Variants in ZNF569 observed in about 807,000 individuals in gnomAD.
The protein encoded by ZNF569 is zinc finger protein 569, also known as DNA-binding protein.
A neutral mutation model predicts 56.3 loss-of-function variants in ZNF569; 38 were observed. That is an observed-to-expected ratio of 0.68 (90% CI 0.52 to 0.88). ZNF569 has a LOEUF of 0.88. Ranked by LOEUF, ZNF569 falls within the 40% of genes least tolerant of loss-of-function variation. The pLI is 0.00. For missense variants in ZNF569, 666 were observed against 809.2 expected (o/e 0.82, Z 2.15); for synonymous variants, 241 against 262.9 (o/e 0.92, Z 0.81).
At chr19:37,460,776 A>C (rs2041745754) in intron 2 of ZNF569, among the ~76,000 whole-genome samples, 1 of 152,008 alleles carries the variant, frequency 6.6e-6, no homozygotes, top group Admixed American at 6.6e-5. Context: ...AAAAAAAAAA[A>C]AAAGTCAAGG....
chr19:37,425,658 TCTCA>T (rs1224943150), intron 5 of ZNF569: 5 of 405,252 alleles, frequency 1.2e-5, no homozygotes, highest in Non-Finnish European at 1.8e-5. Context: ...AGAGATGAGG[TCTCA>T]CTATGTTGCC....
intron 5 of ZNF569, among the ~76,000 whole-genome samples, chr19:37,423,145 A>G (rs563988366): frequency 7.1e-4 from 108 of 152,340 alleles, no homozygotes; most frequent in African/African-American, 2.3e-3. Context: ...GAAGACTAGA[A>G]TTAAGTGGGT....
intron 3 of ZNF569, among the ~76,000 whole-genome samples, chr19:37,439,260 G>A (rs542420768): frequency 7.2e-5 from 11 of 152,228 alleles, no homozygotes; most frequent in Middle Eastern, 6.8e-3. Context: ...TAGTAGAGAC[G>A]GGGTTTCACC....
At chr19:37,426,463 A>T (rs2041135647) in intron 3 of ZNF569, 85 bp from the exon 4 acceptor site, 3 of 1,347,370 alleles carry the variant, frequency 2.2e-6, no homozygotes, top group Non-Finnish European at 2.0e-6. Context: ...TTCTGATATT[A>T]ATCAGAGGTT....
intron 5 of ZNF569, among the ~76,000 whole-genome samples, chr19:37,421,924 A>G (rs2041044798): frequency 9.2e-6 from 1 of 108,702 alleles, no homozygotes; most frequent in Admixed American, 8.9e-5. Flanking sequence ...TAATTTCTGT[A>G]TTTTTAGTAG....
intron 2 of ZNF569, among the ~76,000 whole-genome samples, chr19:37,456,207 T>A (rs771528914): frequency 1.3e-5 from 2 of 152,176 alleles, no homozygotes; most frequent in African/African-American, 4.8e-5. Flanking sequence ...TGGCCTTTCT[T>A]CTCTCTTATT....
At chr19:37,430,442 T>C (rs1242403041) in intron 3 of ZNF569, among the ~76,000 whole-genome samples, 1 of 151,252 alleles carries the variant, frequency 6.6e-6, no homozygotes, top group African/African-American at 2.4e-5. Flanking sequence ...ATGTTGAAAA[T>C]AAATATAAAG....
At chr19:37,427,751 GA>G in intron 3 of ZNF569, 4 of 506,966 alleles carry the variant, frequency 7.9e-6, no homozygotes, top group South Asian at 2.9e-5. Context: ...AGTGTCAGAG[GA>G]AAAAAACCCT....
chr19:37,428,811 A>T (rs1288517566), intron 3 of ZNF569, among the ~76,000 whole-genome samples: 2 of 151,928 alleles, frequency 1.3e-5, no homozygotes, highest in African/African-American at 4.8e-5. Flanking sequence ...AATAGCTAGA[A>T]CTACAGGCGT....
intron 3 of ZNF569, among the ~76,000 whole-genome samples, chr19:37,426,943 A>G (rs892215988): frequency 3.3e-5 from 5 of 152,258 alleles, no homozygotes; most frequent in African/African-American, 1.2e-4. Flanking sequence ...AGAGACAACC[A>G]TGAAAAAACA....
intron 5 of ZNF569, among the ~76,000 whole-genome samples, chr19:37,418,416 T>G (rs2146865981): frequency 6.6e-6 from 1 of 152,100 alleles, no homozygotes; most frequent in African/African-American, 2.4e-5. Flanking sequence ...ACAAATATGG[T>G]ATCATTTAAA....
chr19:37,454,873 T>C (rs1163671077), intron 2 of ZNF569: 7 of 702,670 alleles, frequency 1.0e-5, no homozygotes, highest in Middle Eastern at 2.3e-4. Context: ...CCCAGGTAAG[T>C]AAAGCTTGAG....
intron 5 of ZNF569, among the ~76,000 whole-genome samples, chr19:37,419,388 A>G (rs1402185374): frequency 6.6e-6 from 1 of 152,228 alleles, no homozygotes; most frequent in African/African-American, 2.4e-5. Flanking sequence ...CCACCACAAT[A>G]AAGCATGTCA....
chr19:37,461,747 C>A (rs1280127914), intron 2 of ZNF569, among the ~76,000 whole-genome samples: 1 of 152,156 alleles, frequency 6.6e-6, no homozygotes, highest in Admixed American at 6.5e-5. Context: ...ACTTACCTAG[C>A]CTAAAATCCA....
At chr19:37,435,885 A>G (rs1021932486) in intron 3 of ZNF569, among the ~76,000 whole-genome samples, 4 of 152,236 alleles carry the variant, frequency 2.6e-5, no homozygotes, top group Admixed American at 6.5e-5. Flanking sequence ...GATAGACCCA[A>G]TAGAATAATT....
chr19:37,453,208 CCTGACTGTCTGGTA>C (rs1442834267), intron 2 of ZNF569, among the ~76,000 whole-genome samples: 2 of 152,178 alleles, frequency 1.3e-5, no homozygotes, highest in Non-Finnish European at 2.9e-5. Flanking sequence ...GGCATCTCTT[CCTGACTGTCTGGTA>C]CTGTACCAGG....
chr19:37,428,014 G>C (rs1448853003), intron 3 of ZNF569, among the ~76,000 whole-genome samples: 4 of 152,154 alleles, frequency 2.6e-5, no homozygotes, highest in Non-Finnish European at 5.9e-5. Context: ...CATTAAACTA[G>C]TAAATAAATT....
At chr19:37,438,499 C>T (rs369654962) in intron 3 of ZNF569, among the ~76,000 whole-genome samples, 5 of 151,970 alleles carry the variant, frequency 3.3e-5, no homozygotes, top group African/African-American at 4.8e-5. Context: ...ACAGCGGTGC[C>T]GAGAAATATA....
intron 5 of ZNF569, among the ~76,000 whole-genome samples, chr19:37,417,546 G>A (rs998255731): frequency 6.6e-6 from 1 of 152,100 alleles, no homozygotes; most frequent in African/African-American, 2.4e-5. Flanking sequence ...ACCACACCTG[G>A]CCAATTCCTG....
Sources: allele counts gnomAD v4.1 joint callset (sites outside exome capture counted in the v4.1 genomes callset), GRCh38; gene constraint gnomAD v4.1.1; transcripts MANE v1.5; gene names NCBI Gene and HGNC (gene_info 2026-07-23, HGNC 2026-07-21).